Variants in XKR6 observed in about 807,000 individuals in gnomAD.
XKR6 encodes XK related 6.
XKR6 carries 22 observed loss-of-function variants against 56.7 expected under a neutral mutation model. The ratio of observed to expected loss-of-function variants is 0.39; its 90% CI spans 0.28 to 0.55. XKR6 has a LOEUF of 0.55. Ranked by LOEUF, XKR6 falls within the 20% of genes least tolerant of loss-of-function variation. The pLI is 0.66. For missense variants in XKR6, 852 were observed against 889.0 expected, an observed-to-expected ratio of 0.96 and a Z score of 0.53; for synonymous variants, 524 against 387.8, an observed-to-expected ratio of 1.35 and a Z score of -4.13.
intron 1 of XKR6, among the ~76,000 whole-genome samples, chr8:10,960,255 GT>G (rs1802023579): frequency 6.6e-6 from 1 of 151,504 alleles, no homozygotes; most frequent in African/African-American, 2.4e-5. Context: ...GTAGGTGCAG[GT>G]ATAGCAGGTG....
chr8:10,968,194 C>T (rs921294114), intron 1 of XKR6, among the ~76,000 whole-genome samples: 4 of 152,158 alleles, frequency 2.6e-5, no homozygotes, highest in Admixed American at 1.3e-4. Context: ...GTGTTTGAAC[C>T]GGATCTCCCA....
chr8:10,975,367 CCA>C (rs1242244423), intron 1 of XKR6, among the ~76,000 whole-genome samples: 2 of 152,234 alleles, frequency 1.3e-5, no homozygotes, highest in South Asian at 4.1e-4. Flanking sequence ...CAAAACAAGT[CCA>C]GTGTCCTCCC....
chr8:11,081,766 A>G (rs771826613), intron 1 of XKR6, among the ~76,000 whole-genome samples: 19 of 152,212 alleles, frequency 1.2e-4, no homozygotes, highest in Non-Finnish European at 2.6e-4. Flanking sequence ...TTTAATGGGC[A>G]CTAGTCAGTC....
chr8:10,935,331 T>G lies in XKR6; in HGVS notation c.765-10501A>C, dbSNP rs192277611. 3.9e-4 allele frequency among the ~76,000 whole-genome samples: 54 copies of G among 139,000 alleles called. 3 individuals carry two copies. The East Asian group carries it at 7.3e-3, about 19-fold the overall frequency. 91.2% of individuals were successfully genotyped at this position (139,000 alleles called of 152,430 possible). On this transcript the variant is annotated intron_variant, in intron 1 of 2. Coordinates refer to ENST00000416569, the MANE Select transcript of XKR6 (RefSeq NM_173683.4). ...CTTGCTAGCGGTCATTCAATTTTGTTGATCCTTTCAAAAAACCAGCTCCTG... is the reference window on the plus strand; with the variant it reads ...CTTGCTAGCGGTCATTCAATTTTGTGGATCCTTTCAAAAAACCAGCTCCTG...
chr8:11,054,616 C>T (rs1373828490), intron 1 of XKR6, among the ~76,000 whole-genome samples: 2 of 152,218 alleles, frequency 1.3e-5, no homozygotes, highest in East Asian at 3.9e-4. Flanking sequence ...CCGGGAGGGA[C>T]CTGCAGTCAC....
intron 1 of XKR6, among the ~76,000 whole-genome samples, chr8:11,117,192 G>C (rs565640064): frequency 6.6e-6 from 1 of 152,086 alleles, no homozygotes; most frequent in Non-Finnish European, 1.5e-5. Context: ...TGCAGAAAGG[G>C]TTAACCCCCA....
intron 1 of XKR6, among the ~76,000 whole-genome samples, chr8:10,941,101 C>A (rs964186292): frequency 1.3e-5 from 2 of 152,154 alleles, no homozygotes; most frequent in Admixed American, 6.5e-5. Flanking sequence ...GAGGAGGCCA[C>A]CTTTCCCACT....
At chr8:11,033,320 CGATAGTGATGGTGATGG>C (rs1563357783) in intron 1 of XKR6, among the ~76,000 whole-genome samples, 19 of 140,646 alleles carry the variant, frequency 1.4e-4, no homozygotes, top group African/African-American at 5.3e-4. Context: ...ATGATGATGA[CGATAGTGATGGTGATGG>C]TGGTGGTGAT....
At chr8:11,193,911 T>C (rs1307152455) in intron 1 of XKR6, among the ~76,000 whole-genome samples, 6 of 152,182 alleles carry the variant, frequency 3.9e-5, no homozygotes, top group South Asian at 2.1e-4. Flanking sequence ...TTAGCTGAAA[T>C]TGCAAATTCA....
chr8:11,166,971 C>G (rs1802109047), intron 1 of XKR6, among the ~76,000 whole-genome samples: 1 of 152,162 alleles, frequency 6.6e-6, no homozygotes, highest in Non-Finnish European at 1.5e-5. Context: ...CAGGGAGATA[C>G]AGGAAGAGGG....
intron 1 of XKR6, among the ~76,000 whole-genome samples, chr8:10,931,357 T>TTAA (rs1355932566): frequency 6.6e-6 from 1 of 152,122 alleles, no homozygotes. Flanking sequence ...TGCCCTCAAA[T>TTAA]TAATCTACAG....
chr8:11,157,577 G>A (rs564332578), intron 1 of XKR6, among the ~76,000 whole-genome samples: 3 of 152,166 alleles, frequency 2.0e-5, no homozygotes, highest in Non-Finnish European at 2.9e-5. Context: ...GTGCAGTGGC[G>A]TGATCATAGC....
chr8:10,959,468 C>T (rs1230627364), intron 1 of XKR6, among the ~76,000 whole-genome samples: 2 of 152,202 alleles, frequency 1.3e-5, no homozygotes, highest in Admixed American at 1.3e-4. Context: ...ATTCTGGAGT[C>T]TGGGAAGTCT....
chr8:11,029,123 C>A (rs1798935417), intron 1 of XKR6, among the ~76,000 whole-genome samples: 1 of 152,176 alleles, frequency 6.6e-6, no homozygotes, highest in South Asian at 2.1e-4. Flanking sequence ...TCTGCTCTTT[C>A]ATGTGAGCTG....
chr8:11,035,175 C>A (rs1306414497), intron 1 of XKR6: 5 of 534,498 alleles, frequency 9.4e-6, no homozygotes, highest in East Asian at 1.1e-4. Context: ...TCGTGCCCAG[C>A]CCAGCGTGGG....
At chr8:11,031,306 G>C (rs1350713712) in intron 1 of XKR6, among the ~76,000 whole-genome samples, 1 of 152,234 alleles carries the variant, frequency 6.6e-6, no homozygotes, top group African/African-American at 2.4e-5. Flanking sequence ...TGACCCAACG[G>C]CTCAGCTGCA....
chr8:11,176,309 T>C (rs1802651498), intron 1 of XKR6, among the ~76,000 whole-genome samples: 1 of 152,198 alleles, frequency 6.6e-6, no homozygotes, highest in Non-Finnish European at 1.5e-5. Context: ...TATTTCCAAT[T>C]TATAGAATCA....
intron 1 of XKR6, among the ~76,000 whole-genome samples, chr8:11,033,193 G>C (rs938841733): frequency 6.6e-6 from 1 of 151,930 alleles, no homozygotes; most frequent in Admixed American, 6.6e-5. Context: ...GAGGATGATG[G>C]TGATGAGGAT....
chr8:11,184,460 A>T (rs1753537829), intron 1 of XKR6, among the ~76,000 whole-genome samples: 1 of 152,078 alleles, frequency 6.6e-6, no homozygotes, highest in Non-Finnish European at 1.5e-5. Context: ...TTAAAAGCCC[A>T]TTAAGAATGT....
Sources: gnomAD v4.1 joint callset for allele counts (sites outside exome capture counted in the v4.1 genomes callset) on GRCh38, gnomAD v4.1.1 for gene constraint, MANE v1.5 for transcripts, NCBI Gene and HGNC (gene_info 2026-07-23, HGNC 2026-07-21) for gene names.